The following ZNHIT6 variants were observed in gnomAD, a reference collection of about 807,000 sequenced individuals.
ZNHIT6 encodes box C/D snoRNA protein 1.
In ZNHIT6, 45 loss-of-function variants were observed where a neutral mutation model predicts 57.2. The observed-to-expected ratio is 0.79, with a 90% CI of 0.62 to 1.01. The LOEUF (loss-of-function observed/expected upper bound fraction) is 1.01. Among genes scored for constraint, ZNHIT6 ranks in the 50% least tolerant of loss-of-function variants. The probability of loss-of-function intolerance (pLI) is 0.00; values close to 1 mark genes in which losing one functional copy is unlikely to be tolerated. For synonymous variants in ZNHIT6, 188 were observed against 190.0 expected (o/e 0.99, Z 0.09); for missense variants, 528 against 567.3 (o/e 0.93, Z 0.70).
At chr1:85,682,256 C>G (rs1661902145) in intron 5 of ZNHIT6, among the ~76,000 whole-genome samples, 2 of 150,810 alleles carry the variant, frequency 1.3e-5, no homozygotes, top group African/African-American at 4.9e-5. Flanking sequence ...GATCTCCTGA[C>G]CTCGTGATCC....
chr1:85,667,961 A>AAAAAAAAAAAAAATATAT lies in ZNHIT6; in HGVS notation c.1247+9274_1247+9275insATATATTTTTTTTTTTTT. On this transcript the variant is annotated intron_variant, in intron 8 of 9. Coordinates refer to ENST00000370574, the MANE Select transcript of ZNHIT6 (RefSeq NM_017953.4). ...ACTCTCTCTTTCAAAAAAAAAAAAA[A>AAAAAAAAAAAAAATATAT]ATATATATATATATATATATATATG... 2.8e-3 allele frequency among the ~76,000 whole-genome samples: 51 copies of AAAAAAAAAAAAAATATAT among 18,178 alleles called. 2 individuals are homozygous for AAAAAAAAAAAAAATATAT. Among genetic ancestry groups the AAAAAAAAAAAAAATATAT allele is most frequent in the South Asian group, 4.9e-3 (2 of 410 alleles). 11.9% of individuals were successfully genotyped at this position (18,178 alleles called of 152,430 possible). A position where few individuals can be genotyped will look rare whatever the true frequency, so the allele number is the denominator to read the frequency against.
At position 85,653,985 on chromosome 1, in the gene ZNHIT6, G is replaced by A. The variant is rs543187864; in HGVS notation, c.*73C>T. On this transcript the variant is annotated 3_prime_UTR_variant, in exon 10 of 10. Transcript: ENST00000370574. ...TCACCCATTGACAATACCCCAATCAGCCAACAGCCCATCAATGCAGAGTCT... is the reference window on the plus strand; with the variant it reads ...TCACCCATTGACAATACCCCAATCAACCAACAGCCCATCAATGCAGAGTCT... 420 of 1,305,832 alleles carry A rather than the reference G, an allele frequency of 3.2e-4. 6 individuals are homozygous for A. The South Asian group carries it at 4.8e-3, about 15-fold the overall frequency. The allele number at this position is 1,305,832 out of a possible 1,614,324, so 80.9% of individuals were successfully genotyped here. A position where few individuals can be genotyped will look rare whatever the true frequency, so the allele number is the denominator to read the frequency against.
In ZNHIT6 at chr1:85,695,840, T is replaced by C. The variant is rs369946285; in HGVS notation, c.1019+6317A>G. On this transcript the variant is annotated intron_variant, in intron 5 of 9. Coordinates refer to ENST00000370574, the MANE Select transcript of ZNHIT6 (RefSeq NM_017953.4). Reference sequence around the variant, plus strand: ...TCACAAGGTCAGGAGATCCAGACCATCCTGGCTAACAGGGTGAAACCCTGT... The same window carrying C: ...TCACAAGGTCAGGAGATCCAGACCACCCTGGCTAACAGGGTGAAACCCTGT... 8.5e-5 allele frequency among the ~76,000 whole-genome samples: 13 copies of C among 152,336 alleles called. No homozygotes were observed. The East Asian group carries it at 2.5e-3, about 29-fold the overall frequency.
intron 5 of ZNHIT6, among the ~76,000 whole-genome samples, chr1:85,682,430 T>C (rs1661907698): frequency 6.6e-6 from 1 of 152,176 alleles, no homozygotes. Flanking sequence ...TATGGAATTG[T>C]AAACCATACT....
chr1:85,698,804 T>C (rs1662450755), intron 5 of ZNHIT6, among the ~76,000 whole-genome samples: 1 of 152,144 alleles, frequency 6.6e-6, no homozygotes, highest in Admixed American at 6.5e-5. Context: ...TAGGTTTCAC[T>C]GCACAAATAG....
chr1:85,696,752 A>C (rs1415023847), intron 5 of ZNHIT6, among the ~76,000 whole-genome samples: 1 of 152,070 alleles, frequency 6.6e-6, no homozygotes, highest in Non-Finnish European at 1.5e-5. Context: ...GAAGAGGAAA[A>C]TGGCCTGGTT....
intron 8 of ZNHIT6, among the ~76,000 whole-genome samples, chr1:85,671,080 T>A (rs1661544814): frequency 6.6e-6 from 1 of 152,114 alleles, no homozygotes; most frequent in Non-Finnish European, 1.5e-5. Context: ...GATTTGGAGG[T>A]TGGGAGAAAG....
At chr1:85,664,187 A>T (rs142440860) in intron 8 of ZNHIT6, among the ~76,000 whole-genome samples, 4 of 152,150 alleles carry the variant, frequency 2.6e-5, no homozygotes, top group Non-Finnish European at 1.5e-5. Flanking sequence ...AGGGATGCCA[A>T]TGATTCGTAG....
chr1:85,649,847 T>C lies in ZNHIT6; in HGVS notation c.*4211A>G, dbSNP rs1293204674. The C allele has an allele frequency of 6.6e-6, 1 of 151,782 alleles. No individual in the cohort carries two copies. Among genetic ancestry groups the C allele is most frequent in the Non-Finnish European group, 1.5e-5 (1 of 67,950 alleles). 9.4% of individuals were successfully genotyped at this position (151,782 alleles called of 1,614,324 possible). On this transcript the variant is annotated 3_prime_UTR_variant, in exon 10 of 10. Transcript: ENST00000370574. ...GCAACAACATGATGTCAAATAAAAA[T>C]GGATGGCATTAAAAAAAAAATCCAA...
chr1:85,700,546 G>A lies in ZNHIT6; in HGVS notation c.1019+1611C>T, dbSNP rs75559617. On this transcript the variant is annotated intron_variant, in intron 5 of 9. Transcript: ENST00000370574. ...GTAATATTCTCGGTAAAAACTTCCC[G>A]CATACATTCATGTACCTACAGACAC... Among the ~76,000 whole-genome samples the A allele has an allele frequency of 7.5e-3, 1,144 of 152,052 alleles. 13 individuals are homozygous for A. Among genetic ancestry groups the A allele is most frequent in the African/African-American group, 0.026 (1,061 of 41,468 alleles).
chr1:85,706,413 G>A, intron 2 of ZNHIT6, 29 bp downstream of exon 2: 6 of 1,613,224 alleles, frequency 3.7e-6, no homozygotes, highest in Non-Finnish European at 4.2e-6. Context: ...TACAGATACA[G>A]GTTAAAAGGT....
chr1:85,704,025 G>C (rs1662611715), intron 4 of ZNHIT6, among the ~76,000 whole-genome samples: 1 of 152,084 alleles, frequency 6.6e-6, no homozygotes, highest in African/African-American at 2.4e-5. Context: ...TTTGAAAGGT[G>C]GTTCAATCTC....
chr1:85,692,020 T>C (rs1662235808), intron 5 of ZNHIT6, among the ~76,000 whole-genome samples: 1 of 151,996 alleles, frequency 6.6e-6, no homozygotes, highest in African/African-American at 2.4e-5. Flanking sequence ...AATACAAAAA[T>C]TAGCCAAGTT....
intron 8 of ZNHIT6, 53 bp downstream of exon 8, chr1:85,677,167 AATCAAGCTACTTAATT>A: frequency 1.7e-6 from 2 of 1,175,846 alleles, no homozygotes; most frequent in Non-Finnish European, 2.4e-6. Context: ...AACTTGAGCT[AATCAAGCTACTTAATT>A]ATATTACAGA....
At chr1:85,707,490 G>T in intron 1 of ZNHIT6, 139 bp downstream of exon 1, 1 of 872,104 alleles carries the variant, frequency 1.1e-6, no homozygotes, top group Non-Finnish European at 1.7e-6. Flanking sequence ...CCACCCCCGC[G>T]AACGCCGTCT....
At chr1:85,687,419 A>G (rs1662095073) in intron 5 of ZNHIT6, among the ~76,000 whole-genome samples, 1 of 152,020 alleles carries the variant, frequency 6.6e-6, no homozygotes, top group South Asian at 2.1e-4. Flanking sequence ...CATTAAACTT[A>G]GTGTTTAGTG....
rs756222575 is a variant in ZNHIT6, at chr1:85,657,977, T to A, written c.1248-6A>T. The A allele has an allele frequency of 6.9e-7, 1 of 1,441,792 alleles. No individual in the cohort carries two copies. Among genetic ancestry groups the A allele is most frequent in the Non-Finnish European group, 9.4e-7 (1 of 1,066,932 alleles). 89.3% of individuals were successfully genotyped at this position (1,441,792 alleles called of 1,614,324 possible). ...AAGGATCTAGTTCATAATATCTTAT[T>A]AATAAAAAAAAACAAAAAACCAGGA... On this transcript the variant is annotated splice_region_variant and splice_polypyrimidine_tract_variant and intron_variant, in intron 8 of 9. Coordinates refer to ENST00000370574, the MANE Select transcript of ZNHIT6 (RefSeq NM_017953.4).
At chr1:85,695,929 G>A (rs1055291896) in intron 5 of ZNHIT6, among the ~76,000 whole-genome samples, 2 of 152,152 alleles carry the variant, frequency 1.3e-5, no homozygotes, top group Non-Finnish European at 2.9e-5. Flanking sequence ...CCAGCTACTC[G>A]GGAGACTGAG....
intron 8 of ZNHIT6, among the ~76,000 whole-genome samples, chr1:85,667,961 A>AAAAAAAAAAAAAAATATATATATATAT: frequency 1.6e-4 from 3 of 18,202 alleles, no homozygotes; most frequent in Non-Finnish European, 3.0e-4. Flanking sequence ...AAAAAAAAAA[A>AAAAAAAAAAAAAAATATATATATATAT]ATATATATAT....
Sources: allele counts gnomAD v4.1 joint callset (sites outside exome capture counted in the v4.1 genomes callset), GRCh38; gene constraint gnomAD v4.1.1; transcripts MANE v1.5; gene names NCBI Gene and HGNC (gene_info 2026-07-23, HGNC 2026-07-21).